BCHE: variants seen among roughly 807,000 people sequenced by gnomAD.
The protein encoded by BCHE is cholinesterase.
BCHE carries 48 observed loss-of-function variants against 51.3 expected under a neutral mutation model. That is an observed-to-expected ratio of 0.94 (90% confidence interval 0.74 to 1.19). The LOEUF (loss-of-function observed/expected upper bound fraction) is 1.19, where lower values mean the gene tolerates loss of function less well. Among genes scored for constraint, BCHE ranks in the 50% most tolerant of loss-of-function variants. The pLI is 0.00. For missense variants in BCHE, 847 were observed against 708.2 expected (o/e 1.20, Z -2.23); for synonymous variants, 251 against 238.0 (o/e 1.05, Z -0.50).
chr3:165,784,407 T>C (rs149056477), intron 3 of BCHE, among the ~76,000 whole-genome samples: 264 of 152,008 alleles, frequency 1.7e-3, no homozygotes, highest in African/African-American at 6.2e-3. Context: ...ATATATCTAA[T>C]ATGAAAACCT....
chr3:165,810,117 A>T (rs1299081742), intron 2 of BCHE, among the ~76,000 whole-genome samples: 5 of 152,164 alleles, frequency 3.3e-5, no homozygotes, highest in Admixed American at 2.6e-4. Context: ...TACAGAGTTG[A>T]GATTTATTTT....
intron 2 of BCHE, among the ~76,000 whole-genome samples, chr3:165,797,005 TAAAG>T (rs1713404996): frequency 1.3e-5 from 2 of 152,248 alleles, no homozygotes; most frequent in South Asian, 4.1e-4. Flanking sequence ...GCTGGCAAGT[TAAAG>T]AGGAGATACG....
chr3:165,830,975 C>T lies in BCHE; in HGVS notation c.59G>A (p.Cys20Tyr). 6.2e-7 allele frequency: 1 copy of T among 1,613,682 alleles called. No homozygotes were observed. The highest frequency in any genetic ancestry group is 8.5e-7 in the Non-Finnish European group (1 of 1,179,848). The change falls in exon 2 of 4, where the codon TGC becomes TAC. Residue 20 changes from cysteine to tyrosine, a missense_variant. Cys to Tyr is a radical substitution (Grantham distance 194). Coordinates refer to ENST00000264381, the MANE Select transcript of BCHE (RefSeq NM_000055.4). ...AGTATGTGACTTCCCAATAAGCATG[C>T]AGAGCAAAAGAAACCAAAAGAGAAA... Reference protein sequence around the residue: ...IRFLFWFLLLCMLIGKSHTED... With the variant: ...IRFLFWFLLLYMLIGKSHTED...
At chr3:165,815,506 A>G (rs1035868962) in intron 2 of BCHE, among the ~76,000 whole-genome samples, 1 of 152,152 alleles carries the variant, frequency 6.6e-6, no homozygotes, top group African/African-American at 2.4e-5. Flanking sequence ...GAATTGCTAC[A>G]ACCATGAAAG....
At chr3:165,833,349 T>C (rs888828994) in intron 1 of BCHE, among the ~76,000 whole-genome samples, 2 of 152,166 alleles carry the variant, frequency 1.3e-5, no homozygotes, top group African/African-American at 2.4e-5. Flanking sequence ...ATTATAAGTG[T>C]ACTCACGCAA....
intron 2 of BCHE, among the ~76,000 whole-genome samples, chr3:165,797,214 C>CTCCTTCCT (rs1319256737): frequency 0.089 from 327 of 3,656 alleles, 7 homozygotes; most frequent in Non-Finnish European, 0.13. Flanking sequence ...CCTTCCTTCC[C>CTCCTTCCT]TCCTTCCCTC....
intron 3 of BCHE, among the ~76,000 whole-genome samples, chr3:165,782,766 G>A (rs543885207): frequency 2.6e-5 from 4 of 152,206 alleles, no homozygotes; most frequent in East Asian, 3.9e-4. Flanking sequence ...ATCAAGCAAC[G>A]TAGACTGTTG....
intron 1 of BCHE, among the ~76,000 whole-genome samples, chr3:165,834,914 T>G (rs1335188655): frequency 6.6e-6 from 1 of 151,978 alleles, no homozygotes; most frequent in Non-Finnish European, 1.5e-5. Flanking sequence ...GAGAACATAG[T>G]AGCATAAACA....
chr3:165,823,694 T>C (rs1284356378), intron 2 of BCHE, among the ~76,000 whole-genome samples: 2 of 152,144 alleles, frequency 1.3e-5, no homozygotes, highest in Non-Finnish European at 2.9e-5. Context: ...ATGTTAAATA[T>C]TTAAAGACTT....
At chr3:165,796,829 A>T (rs575185048) in intron 2 of BCHE, among the ~76,000 whole-genome samples, 2 of 152,278 alleles carry the variant, frequency 1.3e-5, no homozygotes, top group Admixed American at 6.5e-5. Context: ...TGTATTGCAC[A>T]TCTTCAGTTA....
chr3:165,825,111 C>T (rs1714671633), intron 2 of BCHE, among the ~76,000 whole-genome samples: 3 of 151,804 alleles, frequency 2.0e-5, no homozygotes, highest in African/African-American at 4.8e-5. Context: ...ATATAAGACA[C>T]TCCAGTACTG....
intron 3 of BCHE, among the ~76,000 whole-genome samples, 170 bp downstream of exon 3, chr3:165,785,975 C>A (rs1712930468): frequency 6.6e-6 from 1 of 150,874 alleles, no homozygotes; most frequent in Admixed American, 6.6e-5. Context: ...CAAAACATAT[C>A]TAAACTTGAT....
intron 1 of BCHE, among the ~76,000 whole-genome samples, chr3:165,833,609 A>G (rs1246900913): frequency 6.6e-6 from 1 of 152,142 alleles, no homozygotes. Context: ...ATAAATAAGT[A>G]AAATATAACA....
At chr3:165,778,600 G>A (rs528891935) in intron 3 of BCHE, 2 of 420,702 alleles carry the variant, frequency 4.8e-6, no homozygotes, top group Non-Finnish European at 9.9e-6. Flanking sequence ...TTCAGTGCAG[G>A]TATCTTCTCT....
chr3:165,814,774 T>C (rs998962777), intron 2 of BCHE, among the ~76,000 whole-genome samples: 5 of 151,998 alleles, frequency 3.3e-5, no homozygotes, highest in Admixed American at 3.3e-4. Context: ...CAGTTAGGTT[T>C]ACCAGATTTA....
At chr3:165,826,838 A>G (rs1403612966) in intron 2 of BCHE, among the ~76,000 whole-genome samples, 7 of 152,104 alleles carry the variant, frequency 4.6e-5, no homozygotes, top group South Asian at 2.1e-4. Flanking sequence ...CATTATTTAC[A>G]TTTTGGAATG....
chr3:165,812,067 G>T (rs1434769621), intron 2 of BCHE, among the ~76,000 whole-genome samples: 3 of 151,980 alleles, frequency 2.0e-5, no homozygotes, highest in African/African-American at 7.2e-5. Context: ...TGACCTTCAA[G>T]AACAGACGGA....
intron 3 of BCHE, chr3:165,778,515 T>C: frequency 4.2e-6 from 1 of 240,948 alleles, no homozygotes; most frequent in Non-Finnish European, 9.2e-6. Context: ...TTAAATTCTT[T>C]AGCATGATGC....
At chr3:165,825,811 G>A (rs990685356) in intron 2 of BCHE, among the ~76,000 whole-genome samples, 2 of 151,920 alleles carry the variant, frequency 1.3e-5, no homozygotes, top group African/African-American at 2.4e-5. Context: ...ACAAGTCAAT[G>A]AGAGATAAAC....
Sources: gnomAD v4.1 joint callset for allele counts (sites outside exome capture counted in the v4.1 genomes callset) on GRCh38, gnomAD v4.1.1 for gene constraint, MANE v1.5 for transcripts, NCBI Gene and HGNC (gene_info 2026-07-23, HGNC 2026-07-21) for gene names.